The following CFAP77 variants were observed in gnomAD, a reference collection of about 807,000 sequenced individuals.
CFAP77 encodes cilia- and flagella-associated protein 77.
In CFAP77, 25 loss-of-function variants were observed where a neutral mutation model predicts 31.1. That is an observed-to-expected ratio of 0.80 (90% CI 0.59 to 1.12). The LOEUF is 1.12. CFAP77 is among the 50% of genes most tolerant of loss of function. The pLI is 0.00. For synonymous variants in CFAP77, 151 were observed against 159.9 expected (o/e 0.94, Z 0.42); for missense variants, 377 against 397.3 (o/e 0.95, Z 0.44).
At chr9:132,454,707 G>T (rs548864009) in intron 1 of CFAP77, among the ~76,000 whole-genome samples, 28 of 152,328 alleles carry the variant, frequency 1.8e-4, no homozygotes, top group African/African-American at 6.7e-4. Context: ...TTATGCAACA[G>T]TATCCTAGCT....
chr9:132,499,319 G>GGGT lies in CFAP77; in HGVS notation c.296-51_296-49dup. On this transcript the variant is annotated intron_variant, in intron 2 of 5. Coordinates refer to ENST00000393216, the MANE Select transcript of CFAP77 (RefSeq NM_001282957.2). This position sits in a 1 kb window ranked among gnomAD's most constrained non-coding sequence, Gnocchi z 5.4. ...CATTTCTTCTCGATCAGCTGCCTCAGGGTGCTTACTCCCAGGCTGACCACT... is the reference window on the plus strand; with the variant it reads ...CATTTCTTCTCGATCAGCTGCCTCAGGGTGGTGCTTACTCCCAGGCTGACCACT... The GGGT allele has an allele frequency of 6.5e-7, 1 of 1,534,770 alleles. No homozygotes were observed. Among genetic ancestry groups the GGGT allele is most frequent in the Non-Finnish European group, 9.0e-7 (1 of 1,115,034 alleles).
chr9:132,453,707 C>G (rs1850869204), intron 1 of CFAP77, among the ~76,000 whole-genome samples: 1 of 152,146 alleles, frequency 6.6e-6, no homozygotes, highest in African/African-American at 2.4e-5. Context: ...GAACCCCAAC[C>G]CTGTATCTTG....
chr9:132,555,340 T>G (rs1005302310), intron 5 of CFAP77, among the ~76,000 whole-genome samples: 1 of 152,310 alleles, frequency 6.6e-6, no homozygotes, highest in African/African-American at 2.4e-5. Flanking sequence ...TCCACCCCGA[T>G]GGGCCGAGGA....
At position 132,475,553 on chromosome 9, in the gene CFAP77, G is replaced by A. The variant is rs371792885; in HGVS notation, c.196-23142G>A. 1.6e-4 allele frequency among the ~76,000 whole-genome samples: 25 copies of A among 152,254 alleles called. No homozygotes were observed. The South Asian group carries it at 4.0e-3, about 24-fold the overall frequency. On this transcript the variant is annotated intron_variant, in intron 1 of 5. Transcript: ENST00000393216. The stretch of plus-strand genomic sequence containing the variant: ...GCCAGTCTTGAATGCCTCAGTCAAG[G>A]GGTAAATCCACAGGAGTTAGGCAGG...
chr9:132,419,343 C>T (rs564800360), intron 1 of CFAP77, among the ~76,000 whole-genome samples: 4 of 152,228 alleles, frequency 2.6e-5, no homozygotes, highest in Non-Finnish European at 4.4e-5. Context: ...GAGGACACAC[C>T]GCTGCCAGGT....
intron 1 of CFAP77, among the ~76,000 whole-genome samples, chr9:132,488,485 A>G (rs1851599663): frequency 6.6e-6 from 1 of 152,214 alleles, no homozygotes; most frequent in African/African-American, 2.4e-5. Context: ...GGGCTAGTTA[A>G]GGGGAAAAAA....
chr9:132,518,376 A>C (rs1387186517), intron 3 of CFAP77, among the ~76,000 whole-genome samples: 1 of 152,198 alleles, frequency 6.6e-6, no homozygotes, highest in Non-Finnish European at 1.5e-5. Context: ...GCCGCTCAGC[A>C]CACAGCTTAA....
At chr9:132,507,867 C>A (rs1851960171) in intron 3 of CFAP77, among the ~76,000 whole-genome samples, 1 of 151,994 alleles carries the variant, frequency 6.6e-6, no homozygotes, top group African/African-American at 2.4e-5. Context: ...TCGCAAAGAT[C>A]CCCGGGCCTC....
intron 1 of CFAP77, among the ~76,000 whole-genome samples, chr9:132,464,002 C>T (rs369224485): frequency 1.3e-5 from 2 of 152,176 alleles, no homozygotes; most frequent in African/African-American, 4.8e-5. Flanking sequence ...GCAAAGGGGT[C>T]GGATGGGAAT....
At chr9:132,438,541 A>ATATATATATATATATATATATATATTT in intron 1 of CFAP77, among the ~76,000 whole-genome samples, 59 of 108,078 alleles carry the variant, frequency 5.5e-4, no homozygotes, top group Non-Finnish European at 9.7e-4. Flanking sequence ...ATATATATAT[A>ATATATATATATATATATATATATATTT]TTTTTTTTTT....
chr9:132,544,488 CTATT>C (rs1299782296), intron 5 of CFAP77, among the ~76,000 whole-genome samples: 6 of 135,724 alleles, frequency 4.4e-5, no homozygotes, highest in Admixed American at 1.5e-4. Flanking sequence ...TCCTCACTGC[CTATT>C]TTTTTTTTTT....
At chr9:132,513,549 A>T in intron 3 of CFAP77, 1 of 577,834 alleles carries the variant, frequency 1.7e-6, no homozygotes, top group Non-Finnish European at 2.9e-6. Context: ...CATAGGGACT[A>T]CTGAGCGGGG....
chr9:132,424,271 G>A lies in CFAP77; in HGVS notation c.195+13805G>A, dbSNP rs748225728. Among the ~76,000 whole-genome samples, 1 of 152,080 alleles carries A rather than the reference G, an allele frequency of 6.6e-6. No individual in the cohort carries two copies. Among genetic ancestry groups the A allele is most frequent in the Non-Finnish European group, 1.5e-5 (1 of 68,004 alleles). ...TACAAAAATTAGCCGGCATGGCCTC[G>A]GGTGCCTGTAGTCCCAGCTACTCAG... On this transcript the variant is annotated intron_variant, in intron 1 of 5. Coordinates refer to ENST00000393216, the MANE Select transcript of CFAP77 (RefSeq NM_001282957.2). The surrounding 1 kb of genome is among the most constrained non-coding windows in gnomAD (Gnocchi z 4.1).
intron 1 of CFAP77, among the ~76,000 whole-genome samples, chr9:132,420,900 C>A (rs1400823845): frequency 6.6e-6 from 1 of 151,924 alleles, no homozygotes; most frequent in Non-Finnish European, 1.5e-5. Flanking sequence ...GTGGCCACAG[C>A]CATCTGGATG....
chr9:132,457,952 C>T (rs1371862479), intron 1 of CFAP77, among the ~76,000 whole-genome samples: 1 of 152,186 alleles, frequency 6.6e-6, no homozygotes, highest in East Asian at 1.9e-4. Context: ...CCCAGATCGT[C>T]AGGACCGACT....
At chr9:132,448,177 G>GCACA (rs60650463) in intron 1 of CFAP77, among the ~76,000 whole-genome samples, 3 of 151,030 alleles carry the variant, frequency 2.0e-5, no homozygotes, top group Non-Finnish European at 3.0e-5. Context: ...ACGCACACAT[G>GCACA]CACACACACA....
chr9:132,430,181 T>C (rs1215180230), intron 1 of CFAP77, among the ~76,000 whole-genome samples: 2 of 152,170 alleles, frequency 1.3e-5, no homozygotes, highest in Non-Finnish European at 2.9e-5. Flanking sequence ...CATAAATTTT[T>C]TAAAATTTCT....
At chr9:132,513,127 T>C (rs2118998539) in intron 3 of CFAP77, 1 of 892,892 alleles carries the variant, frequency 1.1e-6, no homozygotes. Context: ...TCGTGGAGAA[T>C]GGGGTCTCCA....
At position 132,552,319 on chromosome 9, in the gene CFAP77, C is replaced by T. The variant is rs560319698; in HGVS notation, c.732+9272C>T. On this transcript the variant is annotated intron_variant, in intron 5 of 5. Coordinates refer to ENST00000393216, the MANE Select transcript of CFAP77 (RefSeq NM_001282957.2). This position sits in a 1 kb window ranked among gnomAD's most constrained non-coding sequence, Gnocchi z 5.5. ...GGAGCAACAAAGCCTCTGGGAGGGA[C>T]GAGGCCCTGGAAGCTGCTCCTTTAG... Among the ~76,000 whole-genome samples the T allele has an allele frequency of 5.9e-5, 9 of 152,362 alleles. No individual in the cohort carries two copies. The highest frequency in any genetic ancestry group is 3.9e-4 in the East Asian group (2 of 5,184).
Sources: allele counts gnomAD v4.1 joint callset (sites outside exome capture counted in the v4.1 genomes callset), GRCh38; gene constraint gnomAD v4.1.1; non-coding constraint Gnocchi (gnomAD v3.1); transcripts MANE v1.5; gene names NCBI Gene and HGNC (gene_info 2026-07-23, HGNC 2026-07-21).